RSPH9: variants seen among roughly 807,000 people sequenced by gnomAD.
The protein encoded by RSPH9 is radial spoke head protein 9 homolog.
A neutral mutation model predicts 27.0 loss-of-function variants in RSPH9; 27 were observed. The observed-to-expected ratio is 1.00, with a 90% confidence interval of 0.74 to 1.38. The LOEUF (loss-of-function observed/expected upper bound fraction) is 1.38. RSPH9 is among the 40% of genes most tolerant of loss of function. RSPH9 has a pLI of 0.00. For missense variants in RSPH9, 347 were observed against 357.4 expected (o/e 0.97, Z 0.24); for synonymous variants, 145 against 147.7 (o/e 0.98, Z 0.13).
chr6:43,668,708 A>G (rs996809421), intron 4 of RSPH9, among the ~76,000 whole-genome samples: 3 of 152,174 alleles, frequency 2.0e-5, no homozygotes, highest in Non-Finnish European at 4.4e-5. Context: ...TCTAGGTTGG[A>G]GGACTCCAGG....
chr6:43,650,781 C>A (rs1207753885), intron 2 of RSPH9, among the ~76,000 whole-genome samples: 2 of 151,926 alleles, frequency 1.3e-5, no homozygotes, highest in Non-Finnish European at 2.9e-5. Flanking sequence ...TGGCAGGCAC[C>A]TGTAGTCCCA....
At chr6:43,670,475 T>C (rs1050593364) in intron 4 of RSPH9, among the ~76,000 whole-genome samples, 2 of 152,152 alleles carry the variant, frequency 1.3e-5, no homozygotes, top group Admixed American at 6.5e-5. Context: ...TGGTGGTGCA[T>C]GCCCATGGTC....
At chr6:43,648,676 T>A (rs899299410) in intron 1 of RSPH9, among the ~76,000 whole-genome samples, 1 of 151,978 alleles carries the variant, frequency 6.6e-6, no homozygotes, top group African/African-American at 2.4e-5. Flanking sequence ...AAAGGGGGAA[T>A]AGATGTGGAG....
chr6:43,654,516 C>T (rs112743887), intron 2 of RSPH9, among the ~76,000 whole-genome samples: 2,139 of 152,054 alleles, frequency 0.014, 56 homozygotes, highest in African/African-American at 0.049. Context: ...GGAGAAACCC[C>T]ATCTCTACCA....
At chr6:43,667,128 C>T (rs1029355475) in intron 4 of RSPH9, among the ~76,000 whole-genome samples, 3 of 152,212 alleles carry the variant, frequency 2.0e-5, no homozygotes, top group Non-Finnish European at 4.4e-5. Flanking sequence ...TGAGCAGCTA[C>T]AACAGGCACC....
At chr6:43,650,291 A>G (rs924786748) in intron 1 of RSPH9, 84 bp from the exon 2 acceptor site, 41 of 1,530,612 alleles carry the variant, frequency 2.7e-5, no homozygotes, top group Middle Eastern at 4.6e-4. Context: ...CCTGGGCCCA[A>G]CCCACTAGAC....
chr6:43,646,207 C>T (rs2127879627), intron 1 of RSPH9, among the ~76,000 whole-genome samples: 1 of 152,210 alleles, frequency 6.6e-6, no homozygotes, highest in African/African-American at 2.4e-5. Flanking sequence ...TCTCGGCTCA[C>T]TGCAAGCTCC....
intron 4 of RSPH9, among the ~76,000 whole-genome samples, chr6:43,659,243 A>G (rs568053186): frequency 6.8e-6 from 1 of 147,084 alleles, no homozygotes; most frequent in Non-Finnish European, 1.5e-5. Flanking sequence ...TTTTTTGGAG[A>G]TGGAGTCTCG....
chr6:43,662,852 A>G (rs1772774194), intron 4 of RSPH9, among the ~76,000 whole-genome samples: 1 of 152,148 alleles, frequency 6.6e-6, no homozygotes, highest in South Asian at 2.1e-4. Flanking sequence ...ACTGGAGTGC[A>G]GTGGCATGAT....
In RSPH9 at chr6:43,650,538, G is replaced by A; in HGVS notation, c.391G>A (p.Val131Met). The change falls in exon 2 of 5, where the codon GTG becomes ATG. Residue 131 changes from valine to methionine, a missense_variant and splice_region_variant. Transcript: ENST00000372163. ...TGAAAAAGTCTTTGAAGAAGAAATA[G>A]TGGTGAGTGAAGAGGAGAGCAGGAG... is the stretch of plus-strand genomic sequence containing the variant. ...EGEKVFEEEI[V>M]VQIKEETRLV... 1.2e-6 allele frequency: 2 copies of A among 1,614,096 alleles called. No homozygotes were observed. The highest frequency in any genetic ancestry group is 1.7e-6 in the Non-Finnish European group (2 of 1,179,994).
chr6:43,672,231 A>G lies in RSPH9; in HGVS notation c.*1282A>G. 2.2e-6 allele frequency: 1 copy of G among 446,794 alleles called. No homozygotes were observed. The highest frequency in any genetic ancestry group is 4.4e-6 in the Non-Finnish European group (1 of 227,552). 27.7% of individuals were successfully genotyped at this position (446,794 alleles called of 1,614,324 possible). ...GAAGAGGCTGCCTGAAGAGCAGATC[A>G]TTCCTCTCTGGCCTCAGCCATGGGG... On this transcript the variant is annotated 3_prime_UTR_variant, in exon 5 of 5. Coordinates refer to ENST00000372163, the MANE Select transcript of RSPH9 (RefSeq NM_152732.5).
intron 3 of RSPH9, among the ~76,000 whole-genome samples, chr6:43,656,058 TTCTTTCC>T (rs1772011833): frequency 6.9e-6 from 1 of 145,306 alleles, no homozygotes; most frequent in African/African-American, 2.6e-5. Context: ...CTTCTTTCCC[TTCTTTCC>T]CTCCTTCCCT....
chr6:43,645,164 G>A lies in RSPH9; in HGVS notation c.66G>A (p.Pro22=), dbSNP rs781745993. The A allele has an allele frequency of 1.5e-5, 25 of 1,613,512 alleles. No individual in the cohort carries two copies. Among genetic ancestry groups the A allele is most frequent in the Non-Finnish European group, 1.9e-5 (23 of 1,180,010 alleles). The change falls in exon 1 of 5, where the codon CCG becomes CCA. Residue 22 remains proline (P), a synonymous_variant. Coordinates refer to ENST00000372163, the MANE Select transcript of RSPH9 (RefSeq NM_152732.5). ...LASGSGQGLS[P]DRRASLLTSL... ...CCGGCAGTGGGCAGGGCCTCAGCCC[G>A]GACCGTCGGGCCTCGCTGCTCACGT...
chr6:43,647,078 C>T (rs1311200421), intron 1 of RSPH9, among the ~76,000 whole-genome samples: 1 of 147,990 alleles, frequency 6.8e-6, no homozygotes, highest in East Asian at 1.9e-4. Context: ...CTGCAGTTAA[C>T]TATGGATCAC....
chr6:43,656,070 T>TTCCCTCCC (rs569444964), intron 3 of RSPH9, among the ~76,000 whole-genome samples: 1 of 139,316 alleles, frequency 7.2e-6, no homozygotes, highest in Non-Finnish European at 1.5e-5. Flanking sequence ...CTTTCCCTCC[T>TTCCCTCCC]TCCCTCCCTC....
rs961630975 is a variant in RSPH9 at position 43,671,964 on chromosome 6, G to C, written c.*1015G>C. Reference sequence around the variant, plus strand: ...GGCTGGGGGCCCAAGCTGGACGTGGGAGAGTGGAGCACTACCTCCTCAGGC... The same window carrying C: ...GGCTGGGGGCCCAAGCTGGACGTGGCAGAGTGGAGCACTACCTCCTCAGGC... On this transcript the variant is annotated 3_prime_UTR_variant, in exon 5 of 5. Transcript: ENST00000372163. 6.0e-6 allele frequency: 9 copies of C among 1,509,060 alleles called. No homozygotes were observed. The East Asian group carries it at 2.2e-4, about 36-fold the overall frequency. The allele number at this position is 1,509,060 out of a possible 1,614,324, so 93.5% of individuals were successfully genotyped here.
intron 4 of RSPH9, among the ~76,000 whole-genome samples, chr6:43,664,657 G>A (rs1582395805): frequency 1.3e-5 from 2 of 152,214 alleles, no homozygotes; most frequent in Admixed American, 1.3e-4. Context: ...GGCCATTTGG[G>A]CTTCCATCAT....
intron 1 of RSPH9, among the ~76,000 whole-genome samples, chr6:43,646,731 G>A (rs1159662768): frequency 6.6e-6 from 1 of 150,958 alleles, no homozygotes; most frequent in Non-Finnish European, 1.5e-5. Context: ...GGGAGGCAGA[G>A]TTGGGCGGAT....
Position 43,672,180 on chromosome 6 carries a change from T to C in RSPH9, c.*1231T>C, listed in dbSNP as rs1268041812. On this transcript the variant is annotated 3_prime_UTR_variant, in exon 5 of 5. Transcript: ENST00000372163. Reference sequence around the variant, plus strand: ...TGATCTTTGTAAATGTCAATGTTGGTGTGTGTTTGCTGAGGAAAAGGTGGC... The same window carrying C: ...TGATCTTTGTAAATGTCAATGTTGGCGTGTGTTTGCTGAGGAAAAGGTGGC... The C allele has an allele frequency of 3.7e-6, 2 of 535,320 alleles. No homozygotes were observed. Among genetic ancestry groups the C allele is most frequent in the South Asian group, 2.1e-5 (1 of 48,116 alleles). The allele number at this position is 535,320 out of a possible 1,614,324, so 33.2% of individuals were successfully genotyped here.
Sources: allele counts gnomAD v4.1 joint callset (sites outside exome capture counted in the v4.1 genomes callset), GRCh38; gene constraint gnomAD v4.1.1; transcripts MANE v1.5; gene names NCBI Gene and HGNC (gene_info 2026-07-23, HGNC 2026-07-21).